The following TOMT variants were observed in gnomAD, a reference collection of about 807,000 sequenced individuals.
TOMT encodes the protein transmembrane O-methyltransferase.
Under a neutral mutation model 21.7 loss-of-function variants are expected in TOMT, and 23 were observed. The observed-to-expected ratio is 1.06, with a 90% CI of 0.76 to 1.50. The LOEUF (loss-of-function observed/expected upper bound fraction) is 1.50, where lower values mean the gene tolerates loss of function less well. Among genes scored for constraint, TOMT ranks in the 40% most tolerant of loss-of-function variants. The pLI, the probability that TOMT is intolerant of heterozygous loss-of-function variation, is 0.00. For synonymous variants in TOMT, 132 were observed against 150.8 expected (o/e 0.88, Z 0.91); for missense variants, 331 against 348.7 (o/e 0.95, Z 0.41).
exon 3 of TOMT, chr11:72,108,846 G>T: frequency 3.2e-6 from 5 of 1,550,488 alleles, no homozygotes; most frequent in Non-Finnish European, 3.5e-6. Flanking sequence ...TACCGCTGCC[G>T]CCTCCACCAC....
chr11:72,106,387 T>C (rs1945695535), intron 1 of TOMT, 177 bp downstream of exon 1: 3 of 648,830 alleles, frequency 4.6e-6, no homozygotes, highest in Admixed American at 3.5e-5. Flanking sequence ...TCAGCAAACA[T>C]TTATTGCCAC....
chr11:72,107,952 A>G (rs1268430122), exon 2 of TOMT: 1 of 1,551,426 alleles, frequency 6.4e-7, no homozygotes. Context: ...GGTGGAGGAG[A>G]AGGCCCCTGC....
At chr11:72,107,997 T>C (rs1945869686) in exon 2 of TOMT, 4 of 1,551,616 alleles carry the variant, frequency 2.6e-6, no homozygotes, top group Non-Finnish European at 3.5e-6. Flanking sequence ...CTGTGGATAC[T>C]CTACCCTGCT....
chr11:72,107,470 A>G (rs1348817682), intron 1 of TOMT: 2 of 702,888 alleles, frequency 2.8e-6, no homozygotes, highest in Non-Finnish European at 5.2e-6. Context: ...GCAGATGGCG[A>G]TGGGGGTGGG....
At chr11:72,108,538 C>G in intron 2 of TOMT, 67 bp from the exon 3 acceptor site, 1 of 1,376,588 alleles carries the variant, frequency 7.3e-7, no homozygotes, top group South Asian at 1.6e-5. Flanking sequence ...AAGCCAGATC[C>G]TGGTGGGGTC....
chr11:72,106,098 C>T, exon 1 of TOMT: 1 of 1,549,308 alleles, frequency 6.5e-7, no homozygotes, highest in Non-Finnish European at 8.7e-7. Flanking sequence ...AGGAGCGGGC[C>T]TTCAGCTACG....
At position 72,108,863 on chromosome 11, in the gene TOMT, C is replaced by A. The variant is rs770337351; in HGVS notation, c.715C>A (p.Leu239Ile). 8 of 1,550,502 alleles carry A rather than the reference C, an allele frequency of 5.2e-6. No homozygotes were observed. In the South Asian group the frequency reaches 9.5e-5, roughly 18 times the overall value. Reference sequence around the variant, plus strand: ...CCGCTGCCGCCTCCACCACACTGGCCTTCCAGACTTCCCTGCCATCAAGGA... The same window carrying A: ...CCGCTGCCGCCTCCACCACACTGGCATTCCAGACTTCCCTGCCATCAAGGA... The change falls in exon 3 of 3, where the codon CTT becomes ATT. Residue 239 changes from leucine (L) to isoleucine (I), a missense_variant. Leu to Ile is a conservative substitution (Grantham distance 5). Coordinates refer to ENST00000541899, the Ensembl canonical transcript of TOMT.
At chr11:72,108,541 G>C in intron 2 of TOMT, 64 bp from the exon 3 acceptor site, 1 of 1,385,026 alleles carries the variant, frequency 7.2e-7, no homozygotes, top group Non-Finnish European at 9.5e-7. Context: ...CCAGATCCTG[G>C]TGGGGTCTTG....
chr11:72,109,484 C>T, downstream of TOMT: 1 of 387,856 alleles, frequency 2.6e-6, no homozygotes, highest in South Asian at 1.9e-5. Context: ...CCCACCTAGC[C>T]AATTAGGTGT....
Position 72,109,071 on chromosome 11 carries a change from C to G in TOMT, c.*146C>G, listed in dbSNP as rs553247286. The G allele has an allele frequency of 8.7e-6, 6 of 688,186 alleles. No homozygotes were observed. In the African/African-American group the frequency reaches 1.1e-4, roughly 12 times the overall value. 42.6% of individuals were successfully genotyped at this position (688,186 alleles called of 1,614,324 possible). On this transcript the variant is annotated 3_prime_UTR_variant, in exon 3 of 3. Coordinates refer to ENST00000541899, the Ensembl canonical transcript of TOMT. ...CTCTCTTCCCACCTCTGACCTCTTT[C>G]AGCCTCTACACTGACCTCAAGTGTC...
At chr11:72,106,243 T>C (rs910737723) in intron 1 of TOMT, 33 bp downstream of exon 1, 1 of 1,446,502 alleles carries the variant, frequency 6.9e-7, no homozygotes, top group Non-Finnish European at 9.1e-7. Context: ...CTCCAAGAAG[T>C]ACCCCCAAGA....
rs541690359 is a variant in TOMT, at chr11:72,108,737, G to A, written c.589G>A (p.Ala197Thr). The A allele has an allele frequency of 5.2e-6, 8 of 1,550,410 alleles. No individual in the cohort carries two copies. In the African/African-American group the frequency reaches 1.1e-4, roughly 21 times the overall value. ...CCTGAGGGACCTGCAGCTGCTGGAG[G>A]CCCATGCCCTACTGCCAGCAGGTGC... The change falls in exon 3 of 3, where the codon GCC (alanine) becomes ACC (threonine). Residue 197 changes from alanine (A) to threonine (T), a missense_variant. Physicochemically the swap from Ala to Thr is moderately conservative, Grantham distance 58 (BLOSUM62 0). Transcript: ENST00000541899.
chr11:72,107,722 T>G (rs1239737237), intron 1 of TOMT: 2 of 625,740 alleles, frequency 3.2e-6, no homozygotes, highest in Admixed American at 5.6e-5. Flanking sequence ...TCAGATTTGT[T>G]GGAAAGATTC....
intron 1 of TOMT, 22 bp from the exon 2 acceptor site, chr11:72,107,901 C>A (rs1164212382): frequency 1.3e-6 from 2 of 1,551,418 alleles, no homozygotes; most frequent in Non-Finnish European, 1.7e-6. Flanking sequence ...ATGTCTTCTG[C>A]AACAGCCATC....
At chr11:72,109,314 A>C in exon 3 of TOMT, 2 of 468,140 alleles carry the variant, frequency 4.3e-6, no homozygotes, top group Non-Finnish European at 8.5e-6. Context: ...CGGCCTCAGA[A>C]AGCCTCCCAT....
chr11:72,108,828 G>A, exon 3 of TOMT: 1 of 1,550,626 alleles, frequency 6.4e-7, no homozygotes, highest in East Asian at 2.4e-5. Context: ...GCTAAGAGCT[G>A]TGGCCGCTAC....
At chr11:72,107,902 A>C in intron 1 of TOMT, 21 bp from the exon 2 acceptor site, 1 of 1,551,542 alleles carries the variant, frequency 6.4e-7, no homozygotes, top group Non-Finnish European at 8.7e-7. Flanking sequence ...TGTCTTCTGC[A>C]ACAGCCATCT....
Position 72,108,585 on chromosome 11 carries a change from A to G in TOMT, c.457-20A>G. 1 of 1,438,738 alleles carries G rather than the reference A, an allele frequency of 7.0e-7. No homozygotes were observed. Among genetic ancestry groups the G allele is most frequent in the Non-Finnish European group, 9.2e-7 (1 of 1,092,504 alleles). The allele number at this position is 1,438,738 out of a possible 1,614,324, so 89.1% of individuals were successfully genotyped here. A position where few individuals can be genotyped will look rare whatever the true frequency, so the allele number is the denominator to read the frequency against. Reference sequence around the variant, plus strand: ...AACAATTCCCCCCACCCTCACCTCCAGCTCCCCCTATCCCCACAGGTGGAG... The same window carrying G: ...AACAATTCCCCCCACCCTCACCTCCGGCTCCCCCTATCCCCACAGGTGGAG... On this transcript the variant is annotated intron_variant, in intron 2 of 2. Transcript: ENST00000541899.
intron 2 of TOMT, 40 bp from the exon 3 acceptor site, chr11:72,108,565 T>C (rs1359919828): frequency 7.7e-6 from 11 of 1,422,378 alleles, no homozygotes; most frequent in Non-Finnish European, 7.4e-6. Context: ...GGGAGAACAA[T>C]TCCCCCCACC....
Sources: allele counts gnomAD v4.1 joint callset, GRCh38; gene constraint gnomAD v4.1.1; transcripts MANE v1.5; gene names NCBI Gene and HGNC (gene_info 2026-07-23, HGNC 2026-07-21).